The following ZNF195 variants were observed in gnomAD, a reference collection of about 807,000 sequenced individuals.
ZNF195 encodes hypoxia-regulated factor-1.
ZNF195 carries 11 observed loss-of-function variants against 19.5 expected under a neutral mutation model. The observed-to-expected ratio is 0.57, with a 90% CI of 0.36 to 0.94. The LOEUF is 0.94. Among genes scored for constraint, ZNF195 ranks in the 40% least tolerant of loss-of-function variants. The probability of loss-of-function intolerance (pLI) is 0.01; values close to 1 mark genes in which losing one functional copy is unlikely to be tolerated. For missense variants in ZNF195, 582 were observed against 709.0 expected (o/e 0.82, Z 2.03); for synonymous variants, 214 against 248.1 (o/e 0.86, Z 1.29).
intron 1 of ZNF195, among the ~76,000 whole-genome samples, chr11:3,373,413 C>G (rs1286010021): frequency 6.6e-6 from 1 of 152,046 alleles, no homozygotes; most frequent in Non-Finnish European, 1.5e-5. Flanking sequence ...ATATAGAAAA[C>G]AAATATTTTC....
At chr11:3,361,666 C>T in intron 4 of ZNF195, 77 bp downstream of exon 4, 1 of 1,222,092 alleles carries the variant, frequency 8.2e-7, no homozygotes, top group Non-Finnish European at 1.1e-6. Context: ...ATTATAACCA[C>T]AGTTTCCAAA....
chr11:3,363,598 T>C (rs1848730955), intron 3 of ZNF195, among the ~76,000 whole-genome samples: 2 of 152,246 alleles, frequency 1.3e-5, no homozygotes. Flanking sequence ...CGCTGTCCAA[T>C]GCAATCTACA....
Position 3,358,517 on chromosome 11 carries a change from T to C in ZNF195, c.*601A>G, listed in dbSNP as rs1848482664. ...TCTCTGACGCAGCAACAACTGACCA[T>C]GTGTTTTCACATCAGCACTAGAAAT... is the stretch of plus-strand genomic sequence containing the variant. On this transcript the variant is annotated 3_prime_UTR_variant, in exon 6 of 6. Transcript: ENST00000399602. 1 of 152,234 alleles carries C rather than the reference T, an allele frequency of 6.6e-6. No individual in the cohort carries two copies. Among genetic ancestry groups the C allele is most frequent in the Non-Finnish European group, 1.5e-5 (1 of 68,048 alleles). 9.4% of individuals were successfully genotyped at this position (152,234 alleles called of 1,614,324 possible).
rs765926041 is a variant in ZNF195 at position 3,359,896 on chromosome 11, T to C, written c.1112A>G (p.Asn371Ser). 9 of 1,614,104 alleles carry C rather than the reference T, an allele frequency of 5.6e-6. No individual in the cohort carries two copies. The highest frequency in any genetic ancestry group is 5.9e-6 in the Non-Finnish European group (7 of 1,180,046). Residue 371 changes from asparagine to serine, a missense_variant, in exon 6 of 6, where the codon AAT becomes AGT. Physicochemically the swap from Asn to Ser is conservative, Grantham distance 46. Coordinates refer to ENST00000399602, the MANE Select transcript of ZNF195 (RefSeq NM_001130520.3). This position sits in a 1 kb window ranked among gnomAD's most constrained non-coding sequence, Gnocchi z 5.5. ...SVFISCSSLS[N>S]QQMILAGEKL... ...CTCTCCAGCAAGAATCATCTGTTGA[T>C]TAGAAAGGCTTGAGCAAGAGATAAA...
chr11:3,365,679 CAA>C (rs970134850), intron 3 of ZNF195, among the ~76,000 whole-genome samples: 91 of 152,164 alleles, frequency 6.0e-4, no homozygotes, highest in African/African-American at 1.9e-3. Context: ...TTAAAAAGAA[CAA>C]AGAGGCATTA....
intron 2 of ZNF195, 29 bp from the exon 3 acceptor site, chr11:3,371,099 T>C: frequency 2.5e-6 from 4 of 1,604,636 alleles, no homozygotes; most frequent in Non-Finnish European, 3.4e-6. Flanking sequence ...GTGACATTAC[T>C]CTTGCTGAAA....
chr11:3,362,263 C>T (rs187023767), intron 3 of ZNF195, among the ~76,000 whole-genome samples: 187 of 151,958 alleles, frequency 1.2e-3, no homozygotes, highest in African/African-American at 2.7e-3. Context: ...GAAAATAATG[C>T]GATGCTATAA....
At chr11:3,372,712 A>G (rs1849276458) in intron 1 of ZNF195, among the ~76,000 whole-genome samples, 1 of 152,160 alleles carries the variant, frequency 6.6e-6, no homozygotes, top group Non-Finnish European at 1.5e-5. Flanking sequence ...GTTCTGACAA[A>G]TATCTCCCAG....
At chr11:3,377,571 GA>G in intron 1 of ZNF195, 1 of 1,097,092 alleles carries the variant, frequency 9.1e-7, no homozygotes, top group Non-Finnish European at 1.1e-6. Flanking sequence ...TCCAGGGATT[GA>G]AAGTTGGGTT....
chr11:3,371,082 G>GA lies in ZNF195; in HGVS notation c.131-13dup. ...ACAGACAGTGAGACCTGTTTTATTA[G>GA]AAAAAAGTGACATTACTCTTGCTGA... On this transcript the variant is annotated splice_polypyrimidine_tract_variant and intron_variant, in intron 2 of 5. Coordinates refer to ENST00000399602, the MANE Select transcript of ZNF195 (RefSeq NM_001130520.3). 1 of 1,608,296 alleles carries GA rather than the reference G, an allele frequency of 6.2e-7. No homozygotes were observed. The highest frequency in any genetic ancestry group is 8.5e-7 in the Non-Finnish European group (1 of 1,176,636).
chr11:3,369,310 C>A, intron 3 of ZNF195: 1 of 231,378 alleles, frequency 4.3e-6, no homozygotes. Context: ...ATTATGAAAA[C>A]CAGGGTGGGG....
At position 3,360,259 on chromosome 11, in the gene ZNF195, C is replaced by T; in HGVS notation, c.749G>A (p.Gly250Asp). The T allele has an allele frequency of 6.2e-7, 1 of 1,613,602 alleles. No individual in the cohort carries two copies. Among genetic ancestry groups the T allele is most frequent in the Non-Finnish European group, 8.5e-7 (1 of 1,179,776 alleles). ...GEKPFKCQEC[G>D]KSFQMLSFLT... is the part of the protein sequence containing the mutation. The stretch of plus-strand genomic sequence containing the variant: ...GAATGAGAGCATTTGAAAGGATTTG[C>T]CACATTCTTGACATTTGAAAGGTTT... The change falls in exon 6 of 6, where the codon GGC becomes GAC. Residue 250 changes from glycine (G) to aspartate (D), a missense_variant. Gly to Asp is a moderately conservative substitution (Grantham distance 94, BLOSUM62 -1). Around this residue, in one of 3 missense-constraint regions of ZNF195, gnomAD observed 407 missense variants for 530.5 expected, o/e 0.77. Transcript: ENST00000399602.
Position 3,371,626 on chromosome 11 carries a change from A to G in ZNF195, c.81T>C (p.Asn27=). Reference sequence around the variant, plus strand: ...TCTCCAACATCACATCCCTGTACAAATTCTGCTGAGCGAGGTCCAGGCATT... The same window carrying G: ...TCTCCAACATCACATCCCTGTACAAGTTCTGCTGAGCGAGGTCCAGGCATT... ...EWKCLDLAQQ[N]LYRDVMLENY... is the part of the protein sequence containing the mutation. Residue 27 remains asparagine, a synonymous_variant, in exon 2 of 6, where the codon AAT becomes AAC. Coordinates refer to ENST00000399602, the MANE Select transcript of ZNF195 (RefSeq NM_001130520.3). The G allele has an allele frequency of 6.2e-7, 1 of 1,614,134 alleles. No individual in the cohort carries two copies. Among genetic ancestry groups the G allele is most frequent in the Non-Finnish European group, 8.5e-7 (1 of 1,179,996 alleles).
chr11:3,379,091 T>C lies in ZNF195; in HGVS notation c.-51A>G. 6.7e-7 allele frequency: 1 copy of C among 1,481,896 alleles called. No homozygotes were observed. Among genetic ancestry groups the C allele is most frequent in the Non-Finnish European group, 9.0e-7 (1 of 1,107,510 alleles). 91.8% of individuals were successfully genotyped at this position (1,481,896 alleles called of 1,614,324 possible). ...TTTCACTTCTGGATCTCCCGGTGCC[T>C]GCGGGTCACACGACCTACGGCTAGC... On this transcript the variant is annotated 5_prime_UTR_variant, in exon 1 of 6. Coordinates refer to ENST00000399602, the MANE Select transcript of ZNF195 (RefSeq NM_001130520.3).
chr11:3,359,615 G>A lies in ZNF195; in HGVS notation c.1393C>T (p.Pro465Ser). 1 of 1,614,144 alleles carries A rather than the reference G, an allele frequency of 6.2e-7. No homozygotes were observed. Among genetic ancestry groups the A allele is most frequent in the Non-Finnish European group, 8.5e-7 (1 of 1,180,034 alleles). Reference sequence around the variant, plus strand: ...TTCCCACATTCTTCACATTGGTAGGGTTTCTCTCCGGTGTGAATCCTCCTG... The same window carrying A: ...TTCCCACATTCTTCACATTGGTAGGATTTCTCTCCGGTGTGAATCCTCCTG... ...EHRRIHTGEKPYQCEECGKVF... is the reference protein window; with the variant it reads ...EHRRIHTGEKSYQCEECGKVF... Residue 465 changes from proline to serine, a missense_variant, in exon 6 of 6, where the codon CCC becomes TCC. Around this residue, in one of 3 missense-constraint regions of ZNF195, gnomAD observed 407 missense variants for 530.5 expected, o/e 0.77. Transcript: ENST00000399602. The surrounding 1 kb of genome is among the most constrained non-coding windows in gnomAD (Gnocchi z 5.5).
In ZNF195 at chr11:3,370,956, T is replaced by G. The variant is rs1849174690; in HGVS notation, c.226+19A>C. On this transcript the variant is annotated intron_variant, in intron 3 of 5. Transcript: ENST00000399602. ...TGGACCTCTCACCTGGGTTACCTGC[T>G]TCGTTCATTCCCACCCACCTGGATG... 1.2e-6 allele frequency: 2 copies of G among 1,613,566 alleles called. No individual in the cohort carries two copies. Among genetic ancestry groups the G allele is most frequent in the Non-Finnish European group, 1.7e-6 (2 of 1,179,636 alleles).
intron 1 of ZNF195, among the ~76,000 whole-genome samples, chr11:3,374,603 T>C (rs1361250636): frequency 6.6e-6 from 1 of 152,268 alleles, no homozygotes; most frequent in African/African-American, 2.4e-5. Flanking sequence ...GCTGGGCACC[T>C]CACGTCATGT....
intron 3 of ZNF195, among the ~76,000 whole-genome samples, chr11:3,370,609 T>G (rs943287994): frequency 2.6e-5 from 4 of 152,142 alleles, no homozygotes; most frequent in Admixed American, 2.6e-4. Flanking sequence ...ACTTCAGACA[T>G]GATGCAAAGG....
intron 1 of ZNF195, among the ~76,000 whole-genome samples, chr11:3,374,924 A>G (rs1849384103): frequency 6.6e-6 from 1 of 152,274 alleles, no homozygotes. Context: ...TTAGTAAAAA[A>G]GAAAAATTAA....
Sources: allele counts gnomAD v4.1 joint callset (sites outside exome capture counted in the v4.1 genomes callset), GRCh38; gene constraint gnomAD v4.1.1; regional missense constraint gnomAD v4.1.1; non-coding constraint Gnocchi (gnomAD v3.1); transcripts MANE v1.5; gene names NCBI Gene and HGNC (gene_info 2026-07-23, HGNC 2026-07-21).